The following CKAP2 variants were observed in gnomAD, a reference collection of about 807,000 sequenced individuals.
CKAP2 encodes cytoskeleton-associated protein 2.
A neutral mutation model predicts 58.4 loss-of-function variants in CKAP2; 46 were observed. The observed-to-expected ratio is 0.79, with a 90% confidence interval of 0.62 to 1.01. The LOEUF is 1.01. Ranked by LOEUF, CKAP2 falls within the 50% of genes least tolerant of loss-of-function variation. CKAP2 has a pLI of 0.00. For missense variants in CKAP2, 809 were observed against 796.4 expected (o/e 1.02, Z -0.19); for synonymous variants, 293 against 280.9 (o/e 1.04, Z -0.43).
At chr13:52,467,578 G>A (rs114848957) in intron 6 of CKAP2, among the ~76,000 whole-genome samples, 33 of 151,976 alleles carry the variant, frequency 2.2e-4, no homozygotes, top group Non-Finnish European at 1.6e-4. Context: ...GCATGGTGGT[G>A]CCCACCCGTA....
At chr13:52,466,683 G>C (rs1387757063) in intron 6 of CKAP2, among the ~76,000 whole-genome samples, 2 of 152,174 alleles carry the variant, frequency 1.3e-5, no homozygotes, top group Non-Finnish European at 2.9e-5. Context: ...ATCAAAATTA[G>C]CCAACATGGC....
intron 2 of CKAP2, among the ~76,000 whole-genome samples, chr13:52,459,991 C>T (rs1242178448): frequency 1.3e-5 from 2 of 152,000 alleles, no homozygotes; most frequent in Non-Finnish European, 1.5e-5. Context: ...TCCCAAGTAG[C>T]TGGGACTATG....
intron 2 of CKAP2, among the ~76,000 whole-genome samples, chr13:52,460,458 T>C (rs866247801): frequency 6.6e-6 from 1 of 151,744 alleles, no homozygotes; most frequent in African/African-American, 2.4e-5. Context: ...ACACTATTTT[T>C]TTTTGAGACA....
At chr13:52,456,114 A>G (rs2137828180) in intron 1 of CKAP2, 2 of 1,018,958 alleles carry the variant, frequency 2.0e-6, no homozygotes, top group East Asian at 9.7e-5. Flanking sequence ...CAAAACTAAT[A>G]TTGTTATTCC....
Position 52,475,429 on chromosome 13 carries a change from C to T in CKAP2, c.*288C>T, listed in dbSNP as rs1958815314. ...CCTTGAATATAAACAGGTTATAATACTACCCTGTTCACTTTACTAAATATA... is the reference window on the plus strand; with the variant it reads ...CCTTGAATATAAACAGGTTATAATATTACCCTGTTCACTTTACTAAATATA... On this transcript the variant is annotated 3_prime_UTR_variant, in exon 9 of 9. Transcript: ENST00000258607. 4 of 286,648 alleles carry T rather than the reference C, an allele frequency of 1.4e-5. No homozygotes were observed. Among genetic ancestry groups the T allele is most frequent in the Non-Finnish European group, 2.6e-5 (4 of 153,308 alleles). 17.8% of individuals were successfully genotyped at this position (286,648 alleles called of 1,614,324 possible).
chr13:52,464,096 A>T (rs547673952), intron 5 of CKAP2, among the ~76,000 whole-genome samples: 4 of 152,312 alleles, frequency 2.6e-5, no homozygotes, highest in East Asian at 3.9e-4. Context: ...CACTGAGGTG[A>T]TATTTACTTA....
In CKAP2 at chr13:52,475,811, CTTAA is replaced by C. The variant is rs1958821206; in HGVS notation, c.*675_*678del. 6.6e-6 allele frequency: 1 copy of C among 152,130 alleles called. No individual in the cohort carries two copies. Among genetic ancestry groups the C allele is most frequent in the Non-Finnish European group, 1.5e-5 (1 of 68,026 alleles). 9.4% of individuals were successfully genotyped at this position (152,130 alleles called of 1,614,324 possible). A position where few individuals can be genotyped will look rare whatever the true frequency, so the allele number is the denominator to read the frequency against. Reference sequence around the variant, plus strand: ...TAACTGGGGTCACCAAGAAGGTTTACTTAATTAAATACCGCATTTCTAAGAGAAG... The same window carrying C: ...TAACTGGGGTCACCAAGAAGGTTTACTTAAATACCGCATTTCTAAGAGAAG... On this transcript the variant is annotated 3_prime_UTR_variant, in exon 9 of 9. Coordinates refer to ENST00000258607, the MANE Select transcript of CKAP2 (RefSeq NM_018204.5).
chr13:52,458,514 AAAG>A (rs1958521870), intron 2 of CKAP2, among the ~76,000 whole-genome samples: 1 of 152,246 alleles, frequency 6.6e-6, no homozygotes, highest in Non-Finnish European at 1.5e-5. Flanking sequence ...AATAGGAAGA[AAAG>A]AAAATTCTAA....
chr13:52,463,449 AT>A (rs991257396), intron 5 of CKAP2, among the ~76,000 whole-genome samples: 2 of 152,020 alleles, frequency 1.3e-5, no homozygotes, highest in Admixed American at 1.3e-4. Flanking sequence ...ATTCTCTTAC[AT>A]TTATTCACAC....
chr13:52,475,320 G>A lies in CKAP2; in HGVS notation c.*179G>A. The stretch of plus-strand genomic sequence containing the variant: ...ATGGCAAGAGTTGTCCTCTACATTG[G>A]AAAGCTAATCCTACCTTGTCAGTTT... On this transcript the variant is annotated 3_prime_UTR_variant, in exon 9 of 9. Transcript: ENST00000258607. 1.4e-6 allele frequency: 1 copy of A among 737,008 alleles called. No homozygotes were observed. The highest frequency in any genetic ancestry group is 2.1e-6 in the Non-Finnish European group (1 of 479,464). The allele number at this position is 737,008 out of a possible 1,614,324, so 45.7% of individuals were successfully genotyped here.
intron 7 of CKAP2, among the ~76,000 whole-genome samples, chr13:52,469,645 G>C (rs1047395239): frequency 2.1e-5 from 3 of 145,996 alleles, no homozygotes; most frequent in African/African-American, 7.6e-5. Context: ...GCCAGACTGC[G>C]GACTGCAGTG....
intron 5 of CKAP2, among the ~76,000 whole-genome samples, chr13:52,463,471 A>G (rs1334072373): frequency 1.3e-5 from 2 of 152,046 alleles, no homozygotes; most frequent in African/African-American, 4.8e-5. Context: ...ATAATTAATT[A>G]ACAGTTTAAA....
At chr13:52,468,454 T>C (rs1958714479) in intron 7 of CKAP2, 107 bp downstream of exon 7, 7 of 651,052 alleles carry the variant, frequency 1.1e-5, no homozygotes, top group Non-Finnish European at 1.8e-5. Flanking sequence ...GATGTGCAGG[T>C]TTGTTACAAA....
Position 52,455,531 on chromosome 13 carries a change from G to C in CKAP2, c.-26G>C. 1 of 1,612,770 alleles carries C rather than the reference G, an allele frequency of 6.2e-7. No individual in the cohort carries two copies. Among genetic ancestry groups the C allele is most frequent in the Non-Finnish European group, 8.5e-7 (1 of 1,179,710 alleles). The stretch of plus-strand genomic sequence containing the variant: ...AGTTCTATCTTGGCGCTAAAGCGGA[G>C]ACGCATCCCCCGACCCGAGGCTACG... On this transcript the variant is annotated 5_prime_UTR_variant, in exon 1 of 9. Transcript: ENST00000258607.
At position 52,475,303 on chromosome 13, in the gene CKAP2, A is replaced by G; in HGVS notation, c.*162A>G. 1 of 864,196 alleles carries G rather than the reference A, an allele frequency of 1.2e-6. No homozygotes were observed. The highest frequency in any genetic ancestry group is 1.7e-6 in the Non-Finnish European group (1 of 578,340). The allele number at this position is 864,196 out of a possible 1,614,324, so 53.5% of individuals were successfully genotyped here. On this transcript the variant is annotated 3_prime_UTR_variant, in exon 9 of 9. Transcript: ENST00000258607. ...TTACTAACATTCATGTTATGGCAAG[A>G]GTTGTCCTCTACATTGGAAAGCTAA...
rs1958807644 is a variant in CKAP2, at chr13:52,474,945, T to C, written c.1853T>C (p.Leu618Pro). The C allele has an allele frequency of 6.2e-7, 1 of 1,613,344 alleles. No homozygotes were observed. Residue 618 changes from leucine (L) to proline (P), a missense_variant, in exon 9 of 9, where the codon CTG (leucine) becomes CCG (proline). Around this residue, in one of 3 missense-constraint regions of CKAP2, gnomAD observed 283 missense variants for 287.6 expected, o/e 0.98. Transcript: ENST00000258607. Reference sequence around the variant, plus strand: ...GGAACAAATTCCGCATTTAAAGAGCTGAAGTTTTTAACACCAGTGAGACGT... The same window carrying C: ...GGAACAAATTCCGCATTTAAAGAGCCGAAGTTTTTAACACCAGTGAGACGT... ...FDGTNSAFKE[L>P]KFLTPVRRSR...
At chr13:52,464,031 G>GT (rs1266632349) in intron 5 of CKAP2, among the ~76,000 whole-genome samples, 5 of 151,976 alleles carry the variant, frequency 3.3e-5, no homozygotes, top group African/African-American at 9.7e-5. Context: ...GGATAATTGG[G>GT]TTTTTTTACT....
intron 7 of CKAP2, among the ~76,000 whole-genome samples, chr13:52,473,048 A>T (rs1385641400): frequency 7.3e-6 from 1 of 137,866 alleles, no homozygotes; most frequent in African/African-American, 2.7e-5. Context: ...CCCTGTCTCT[A>T]AAAAAAAAAA....
At chr13:52,465,271 A>G in intron 5 of CKAP2, 24 bp from the exon 6 acceptor site, 3 of 1,586,622 alleles carry the variant, frequency 1.9e-6, no homozygotes, top group Non-Finnish European at 2.6e-6. Flanking sequence ...AAAATATTAC[A>G]CACATTTTTT....
Sources: allele counts gnomAD v4.1 joint callset (sites outside exome capture counted in the v4.1 genomes callset), GRCh38; gene constraint gnomAD v4.1.1; regional missense constraint gnomAD v4.1.1; transcripts MANE v1.5; gene names NCBI Gene and HGNC (gene_info 2026-07-23, HGNC 2026-07-21).